MAP2: variants seen among roughly 807,000 people sequenced by gnomAD.
MAP2 encodes the protein microtubule associated protein 2, also known as microtubule-associated protein 2.
A neutral mutation model predicts 137.6 loss-of-function variants in MAP2; 14 were observed. The ratio of observed to expected loss-of-function variants is 0.10; its 90% CI spans 0.07 to 0.16. MAP2 has a LOEUF of 0.16. MAP2 is among the 10% of genes least tolerant of loss of function. MAP2 has a pLI of 1.00. For missense variants in MAP2, 2,088 were observed against 2,191.5 expected (o/e 0.95, Z 0.94); for synonymous variants, 786 against 782.3 (o/e 1.00, Z -0.08).
rs1361773890 is a variant in MAP2 at position 209,479,836 on chromosome 2, G to C, written c.-221-27756G>C. On this transcript the variant is annotated intron_variant, in intron 1 of 15. Coordinates refer to ENST00000682079, the MANE Select transcript of MAP2 (RefSeq NM_001375505.1). Reference sequence around the variant, plus strand: ...TAAATTATAACTTTCTTCAGCCTTAGCAGATATAATAGCCGAACATTTCAA... The same window carrying C: ...TAAATTATAACTTTCTTCAGCCTTACCAGATATAATAGCCGAACATTTCAA... 5.9e-5 allele frequency among the ~76,000 whole-genome samples: 9 copies of C among 152,030 alleles called. No individual in the cohort carries two copies. The South Asian group carries it at 1.9e-3, about 32-fold the overall frequency.
At chr2:209,729,629 C>G (rs1394131101) in intron 14 of MAP2, among the ~76,000 whole-genome samples, 2 of 152,130 alleles carry the variant, frequency 1.3e-5, no homozygotes, top group African/African-American at 4.8e-5. Flanking sequence ...ATACGTGAAG[C>G]AATCCATATA....
chr2:209,571,691 A>G (rs1264908269), intron 2 of MAP2, among the ~76,000 whole-genome samples: 1 of 152,038 alleles, frequency 6.6e-6, no homozygotes, highest in South Asian at 2.1e-4. Context: ...CATTGTTTTT[A>G]AAAAGAAGTT....
intron 4 of MAP2, among the ~76,000 whole-genome samples, chr2:209,643,666 G>C (rs1319178839): frequency 2.0e-5 from 3 of 151,742 alleles, no homozygotes; most frequent in African/African-American, 4.9e-5. Context: ...GCCAGGGACT[G>C]CCCATTGTTT....
intron 1 of MAP2, among the ~76,000 whole-genome samples, chr2:209,498,564 G>A (rs573857686): frequency 6.6e-6 from 1 of 152,362 alleles, no homozygotes; most frequent in South Asian, 2.1e-4. Context: ...TGCCCCTGCA[G>A]CAGGCTTCTG....
intron 14 of MAP2, among the ~76,000 whole-genome samples, chr2:209,726,836 T>G (rs537343319): frequency 2.0e-5 from 3 of 152,190 alleles, no homozygotes; most frequent in Non-Finnish European, 4.4e-5. Context: ...TTGAGAATAT[T>G]TTGACACAAT....
At chr2:209,727,788 G>A (rs1045022814) in intron 14 of MAP2, among the ~76,000 whole-genome samples, 2 of 152,086 alleles carry the variant, frequency 1.3e-5, no homozygotes, top group Non-Finnish European at 2.9e-5. Context: ...GAAAATCAAA[G>A]GCATGGATCT....
At chr2:209,704,239 A>G (rs1415388438) in intron 11 of MAP2, among the ~76,000 whole-genome samples, 1 of 152,122 alleles carries the variant, frequency 6.6e-6, no homozygotes, top group Non-Finnish European at 1.5e-5. Flanking sequence ...ACATTTTTCT[A>G]TGACTATTAT....
intron 1 of MAP2, among the ~76,000 whole-genome samples, chr2:209,505,387 G>A (rs2060904882): frequency 6.6e-6 from 1 of 152,086 alleles, no homozygotes; most frequent in Admixed American, 6.6e-5. Context: ...TTTGCCTGTT[G>A]AATACTGCCC....
chr2:209,510,125 TA>T (rs2061554646), intron 2 of MAP2, among the ~76,000 whole-genome samples: 1 of 151,932 alleles, frequency 6.6e-6, no homozygotes, highest in Non-Finnish European at 1.5e-5. Flanking sequence ...TTTGCCTTTT[TA>T]AAAAAATGTG....
intron 2 of MAP2, among the ~76,000 whole-genome samples, chr2:209,536,605 G>A (rs2065981947): frequency 6.6e-6 from 1 of 152,152 alleles, no homozygotes; most frequent in South Asian, 2.1e-4. Flanking sequence ...TGGTTCCAGA[G>A]TCCGGTGAAC....
At chr2:209,584,217 C>T (rs1285377475) in intron 3 of MAP2, among the ~76,000 whole-genome samples, 2 of 151,960 alleles carry the variant, frequency 1.3e-5, no homozygotes, top group Non-Finnish European at 2.9e-5. Context: ...TGGGACTCAA[C>T]AGGAAATACT....
chr2:209,573,105 A>G (rs912492069), intron 2 of MAP2, among the ~76,000 whole-genome samples: 1 of 152,180 alleles, frequency 6.6e-6, no homozygotes, highest in African/African-American at 2.4e-5. Context: ...CATGGCCTCA[A>G]AAAAATGAAT....
At chr2:209,618,556 A>G (rs1168722440) in intron 3 of MAP2, among the ~76,000 whole-genome samples, 1 of 152,140 alleles carries the variant, frequency 6.6e-6, no homozygotes, top group Non-Finnish European at 1.5e-5. Context: ...GAACCTGGGT[A>G]CCTGCATTAA....
At chr2:209,529,752 G>T (rs1401901116) in intron 2 of MAP2, among the ~76,000 whole-genome samples, 1 of 152,036 alleles carries the variant, frequency 6.6e-6, no homozygotes, top group Non-Finnish European at 1.5e-5. Context: ...ATGTCACTAA[G>T]TACCTATAAG....
intron 4 of MAP2, among the ~76,000 whole-genome samples, chr2:209,648,558 A>G (rs1048877314): frequency 6.8e-6 from 1 of 147,988 alleles, no homozygotes. Flanking sequence ...TTATCAAGCT[A>G]GGCTTTTCAG....
At chr2:209,711,343 C>T (rs915041750) in intron 13 of MAP2, among the ~76,000 whole-genome samples, 2 of 152,156 alleles carry the variant, frequency 1.3e-5, no homozygotes, top group African/African-American at 4.8e-5. Context: ...CTCCTACTCA[C>T]CAATGAAGCA....
At chr2:209,467,114 C>A (rs573264189) in intron 1 of MAP2, among the ~76,000 whole-genome samples, 205 of 152,306 alleles carry the variant, frequency 1.3e-3, no homozygotes, top group African/African-American at 4.7e-3. Context: ...AGAGCAAAAG[C>A]TTTCTCTCAC....
intron 2 of MAP2, among the ~76,000 whole-genome samples, chr2:209,519,838 T>G (rs2063021704): frequency 6.6e-6 from 1 of 152,038 alleles, no homozygotes; most frequent in Non-Finnish European, 1.5e-5. Context: ...ATGGAAAGAT[T>G]GAAGTAAGAT....
At chr2:209,658,218 T>C (rs1431327680) in intron 5 of MAP2, among the ~76,000 whole-genome samples, 1 of 152,114 alleles carries the variant, frequency 6.6e-6, no homozygotes, top group African/African-American at 2.4e-5. Context: ...AAGTGACCTT[T>C]CAAATTTTAA....
Sources: allele counts gnomAD v4.1 joint callset (sites outside exome capture counted in the v4.1 genomes callset), GRCh38; gene constraint gnomAD v4.1.1; transcripts MANE v1.5; gene names NCBI Gene and HGNC (gene_info 2026-07-23, HGNC 2026-07-21).